The following PPP1R9A variants were observed in gnomAD, a reference collection of about 807,000 sequenced individuals.
PPP1R9A encodes protein phosphatase 1 regulatory subunit 9A.
PPP1R9A carries 59 observed loss-of-function variants against 141.9 expected under a neutral mutation model. The ratio of observed to expected loss-of-function variants is 0.42; its 90% CI spans 0.34 to 0.52. The LOEUF (loss-of-function observed/expected upper bound fraction) is 0.52. PPP1R9A is among the 20% of genes least tolerant of loss of function. The pLI, the probability that PPP1R9A is intolerant of heterozygous loss-of-function variation, is 0.10. For missense variants in PPP1R9A, 1,444 were observed against 1,611.9 expected (o/e 0.90, Z 1.78); for synonymous variants, 500 against 569.7 (o/e 0.88, Z 1.74).
chr7:95,017,492 T>C (rs1805263471), intron 2 of PPP1R9A, among the ~76,000 whole-genome samples: 1 of 152,110 alleles, frequency 6.6e-6, no homozygotes, highest in South Asian at 2.1e-4. Flanking sequence ...CCGTTTATAA[T>C]AGCACCAAAA....
chr7:95,072,754 T>C (rs1487907788), intron 2 of PPP1R9A, among the ~76,000 whole-genome samples: 23 of 106,124 alleles, frequency 2.2e-4, no homozygotes, highest in Non-Finnish European at 3.2e-4. Flanking sequence ...TATATAATAT[T>C]ATATTAAATA....
intron 2 of PPP1R9A, among the ~76,000 whole-genome samples, chr7:95,076,193 G>A (rs1022299668): frequency 2.0e-5 from 3 of 152,108 alleles, no homozygotes; most frequent in Non-Finnish European, 2.9e-5. Context: ...GTGAGCCACC[G>A]CACTCAGCCT....
intron 2 of PPP1R9A, among the ~76,000 whole-genome samples, chr7:94,952,116 C>T (rs900216046): frequency 2.6e-5 from 4 of 152,020 alleles, no homozygotes; most frequent in Non-Finnish European, 5.9e-5. Context: ...TAGCACCCCA[C>T]CTCCAGGCCC....
chr7:95,291,426 A>G lies in PPP1R9A; in HGVS notation c.*1123A>G, dbSNP rs914335342. Reference sequence around the variant, plus strand: ...GAGAGATTTTGAATGGTTTTTCCGAACCATTCCTTTCCATACTTCAAAGAT... The same window carrying G: ...GAGAGATTTTGAATGGTTTTTCCGAGCCATTCCTTTCCATACTTCAAAGAT... On this transcript the variant is annotated 3_prime_UTR_variant, in exon 20 of 20. Coordinates refer to ENST00000433360, the MANE Select transcript of PPP1R9A (RefSeq NM_001166160.2). 2 of 152,332 alleles carry G rather than the reference A, an allele frequency of 1.3e-5. No homozygotes were observed. The highest frequency in any genetic ancestry group is 1.9e-4 in the East Asian group (1 of 5,186). The allele number at this position is 152,332 out of a possible 1,614,324, so 9.4% of individuals were successfully genotyped here.
rs1806957598 is a variant in PPP1R9A, at chr7:95,295,292, A to G, written c.*4989A>G. 2 of 152,650 alleles carry G rather than the reference A, an allele frequency of 1.3e-5. No individual in the cohort carries two copies. The highest frequency in any genetic ancestry group is 4.8e-5 in the African/African-American group (2 of 41,456). 9.5% of individuals were successfully genotyped at this position (152,650 alleles called of 1,614,324 possible). ...TTTTTTATTGTAAGTATTTCTACTAAATGCACTTATCCTTCTATATGTTTA... is the reference window on the plus strand; with the variant it reads ...TTTTTTATTGTAAGTATTTCTACTAGATGCACTTATCCTTCTATATGTTTA... On this transcript the variant is annotated 3_prime_UTR_variant, in exon 20 of 20. Coordinates refer to ENST00000433360, the MANE Select transcript of PPP1R9A (RefSeq NM_001166160.2).
chr7:95,066,607 A>G (rs1400129829), intron 2 of PPP1R9A, among the ~76,000 whole-genome samples: 1 of 152,230 alleles, frequency 6.6e-6, no homozygotes, highest in Non-Finnish European at 1.5e-5. Flanking sequence ...AGGAGAGTGG[A>G]CATTTTAAGA....
chr7:95,273,035 C>A (rs559997193), intron 14 of PPP1R9A, among the ~76,000 whole-genome samples: 1 of 152,142 alleles, frequency 6.6e-6, no homozygotes, highest in African/African-American at 2.4e-5. Context: ...AGAGCCTGTC[C>A]GAGATGGAAC....
At chr7:95,056,284 G>A (rs1478386166) in intron 2 of PPP1R9A, among the ~76,000 whole-genome samples, 1 of 152,052 alleles carries the variant, frequency 6.6e-6, no homozygotes, top group Non-Finnish European at 1.5e-5. Context: ...AGTGAATTTG[G>A]TATTTTTCTT....
At chr7:95,208,588 G>A (rs954434964) in intron 7 of PPP1R9A, among the ~76,000 whole-genome samples, 6 of 151,890 alleles carry the variant, frequency 4.0e-5, no homozygotes, top group Non-Finnish European at 8.8e-5. Flanking sequence ...GCCGGGCATG[G>A]TGGTGGGTGC....
chr7:95,084,012 A>G (rs892427482), intron 2 of PPP1R9A, among the ~76,000 whole-genome samples: 1 of 152,106 alleles, frequency 6.6e-6, no homozygotes, highest in Non-Finnish European at 1.5e-5. Flanking sequence ...AGACGACAGC[A>G]GATTTCTTAT....
intron 14 of PPP1R9A, among the ~76,000 whole-genome samples, chr7:95,273,262 A>G (rs996779750): frequency 6.6e-6 from 1 of 152,152 alleles, no homozygotes; most frequent in African/African-American, 2.4e-5. Context: ...CTGTAACCTA[A>G]CTATTAAGAA....
At chr7:95,151,941 CTTTTTTTT>C (rs1167382285) in intron 4 of PPP1R9A, among the ~76,000 whole-genome samples, 170 of 54,438 alleles carry the variant, frequency 3.1e-3, no homozygotes, top group African/African-American at 0.01. Flanking sequence ...TACTGAGAAT[CTTTTTTTT>C]TTTTTTTTTT....
At chr7:95,134,128 T>A (rs1417109692) in intron 4 of PPP1R9A, among the ~76,000 whole-genome samples, 2 of 152,186 alleles carry the variant, frequency 1.3e-5, no homozygotes, top group Non-Finnish European at 2.9e-5. Context: ...CTTGGAATAC[T>A]ATGCAGCCAT....
intron 2 of PPP1R9A, among the ~76,000 whole-genome samples, chr7:94,913,660 G>C (rs1297290791): frequency 6.6e-6 from 1 of 152,068 alleles, no homozygotes; most frequent in East Asian, 1.9e-4. Context: ...GAAAATTTGA[G>C]AGCTGCTTTC....
Position 94,910,931 on chromosome 7 carries a change from A to G in PPP1R9A, c.818A>G (p.Lys273Arg). 1.2e-6 allele frequency: 2 copies of G among 1,614,148 alleles called. No homozygotes were observed. Among genetic ancestry groups the G allele is most frequent in the Admixed American group, 1.7e-5 (1 of 60,018 alleles). The stretch of plus-strand genomic sequence containing the variant: ...GGTGTTGATACAGAGGATGCTCACA[A>G]GAGTAATGCAACTCCAGTACCAGAA... The part of the protein sequence containing the change: ...KRGVDTEDAH[K>R]SNATPVPEVA... Residue 273 changes from lysine (K) to arginine (R), a missense_variant, in exon 2 of 20, where the codon AAG (lysine) becomes AGG (arginine). This residue lies in a region of PPP1R9A where 490 missense variants were observed against 521.1 expected (regional missense o/e 0.94). Transcript: ENST00000433360. This position sits in a 1 kb window ranked among gnomAD's most constrained non-coding sequence, Gnocchi z 4.5.
intron 7 of PPP1R9A, among the ~76,000 whole-genome samples, chr7:95,220,329 C>G (rs1054061110): frequency 6.6e-6 from 1 of 152,042 alleles, no homozygotes; most frequent in East Asian, 1.9e-4. Flanking sequence ...TACATAGCAC[C>G]AAATTCAAAT....
intron 2 of PPP1R9A, among the ~76,000 whole-genome samples, chr7:95,083,810 G>A (rs772893225): frequency 6.6e-5 from 10 of 151,946 alleles, no homozygotes; most frequent in Admixed American, 5.9e-4. Context: ...AAGAAATAAT[G>A]CTGAAAAATT....
At chr7:95,166,671 G>A (rs542367353) in intron 5 of PPP1R9A, among the ~76,000 whole-genome samples, 17 of 152,298 alleles carry the variant, frequency 1.1e-4, no homozygotes, top group African/African-American at 3.8e-4. Context: ...TATGAGGCAA[G>A]CATTACCCTG....
intron 2 of PPP1R9A, among the ~76,000 whole-genome samples, chr7:95,044,258 G>A (rs1809667207): frequency 6.6e-6 from 1 of 152,170 alleles, no homozygotes; most frequent in South Asian, 2.1e-4. Context: ...AAAAGAATGA[G>A]CCACCTGAAG....
Sources: gnomAD v4.1 joint callset for allele counts (sites outside exome capture counted in the v4.1 genomes callset) on GRCh38, gnomAD v4.1.1 for gene constraint, gnomAD v4.1.1 regional missense constraint, Gnocchi (gnomAD v3.1) non-coding constraint, MANE v1.5 for transcripts, NCBI Gene and HGNC (gene_info 2026-07-23, HGNC 2026-07-21) for gene names.